Variants in MTF1 observed in about 807,000 individuals in gnomAD.
MTF1 encodes the protein MRE-binding transcription factor.
A neutral mutation model predicts 70.4 loss-of-function variants in MTF1; 22 were observed. That is an observed-to-expected ratio of 0.31 (90% CI 0.22 to 0.45). The LOEUF is 0.45. Among genes scored for constraint, MTF1 ranks in the 20% least tolerant of loss-of-function variants. The pLI, the probability that MTF1 is intolerant of heterozygous loss-of-function variation, is 1.00. For missense variants in MTF1, 649 were observed against 922.0 expected (o/e 0.70, Z 3.83); for synonymous variants, 333 against 352.8 (o/e 0.94, Z 0.63).
intron 7 of MTF1, among the ~76,000 whole-genome samples, chr1:37,829,065 C>A (rs74067335): frequency 3.8e-4 from 58 of 152,078 alleles, no homozygotes; most frequent in Non-Finnish European, 6.0e-4. Flanking sequence ...CCCATAAAAT[C>A]ATTATCTCAT....
At chr1:37,850,751 G>A (rs1236249145) in intron 2 of MTF1, among the ~76,000 whole-genome samples, 1 of 151,988 alleles carries the variant, frequency 6.6e-6, no homozygotes, top group Non-Finnish European at 1.5e-5. Context: ...CAAGCATGAA[G>A]AAAAGAAAAT....
chr1:37,838,794 A>ACTC (rs1641208901), intron 3 of MTF1, 38 bp from the exon 4 acceptor site: 3 of 502,590 alleles, frequency 6.0e-6, no homozygotes, highest in African/African-American at 4.8e-5. Context: ...TTGTCATAAA[A>ACTC]TTCTTTTTTT....
intron 9 of MTF1, among the ~76,000 whole-genome samples, chr1:37,820,586 A>G (rs1397209849): frequency 6.6e-6 from 1 of 152,254 alleles, no homozygotes; most frequent in African/African-American, 2.4e-5. Flanking sequence ...AGAGATAGTA[A>G]AAATATCAAT....
intron 7 of MTF1, among the ~76,000 whole-genome samples, chr1:37,828,662 T>C (rs1326728179): frequency 6.6e-6 from 1 of 152,224 alleles, no homozygotes; most frequent in Non-Finnish European, 1.5e-5. Context: ...TTGTGATGAT[T>C]CATCAAGCTG....
At chr1:37,857,040 C>A (rs1641508836) in intron 2 of MTF1, among the ~76,000 whole-genome samples, 1 of 152,182 alleles carries the variant, frequency 6.6e-6, no homozygotes, top group African/African-American at 2.4e-5. Context: ...CGAGAAATTA[C>A]AATTTGATAT....
intron 10 of MTF1, among the ~76,000 whole-genome samples, chr1:37,816,632 G>A (rs978438446): frequency 6.2e-5 from 9 of 144,682 alleles, no homozygotes; most frequent in East Asian, 4.1e-4. Context: ...CCGGGATTGC[G>A]CCACTGCAGT....
chr1:37,829,527 A>G (rs1376219641), intron 7 of MTF1, among the ~76,000 whole-genome samples: 1 of 151,928 alleles, frequency 6.6e-6, no homozygotes, highest in Non-Finnish European at 1.5e-5. Flanking sequence ...TCACACCTGT[A>G]ATCCCAGCAC....
chr1:37,838,527 G>T, intron 4 of MTF1, 98 bp downstream of exon 4: 1 of 1,056,954 alleles, frequency 9.5e-7, no homozygotes, highest in Non-Finnish European at 1.4e-6. Flanking sequence ...TCAAGAGCTA[G>T]TAAAGGGAGT....
chr1:37,829,894 A>G (rs1037749234), intron 7 of MTF1, among the ~76,000 whole-genome samples: 5 of 152,218 alleles, frequency 3.3e-5, no homozygotes, highest in African/African-American at 1.2e-4. Context: ...ACTGGGTACC[A>G]GGAGCATGAT....
intron 6 of MTF1, among the ~76,000 whole-genome samples, chr1:37,833,204 C>T (rs3891572): frequency 0.24 from 36,283 of 151,876 alleles, 4,935 homozygotes; most frequent in Non-Finnish European, 0.3. Context: ...ATTTTTTATT[C>T]TTTTTGTAAC....
rs754181781 is a variant in MTF1, at chr1:37,815,350, A to G, written c.2048T>C (p.Val683Ala). The G allele has an allele frequency of 2.5e-6, 4 of 1,614,094 alleles. No individual in the cohort carries two copies. The highest frequency in any genetic ancestry group is 3.4e-6 in the Non-Finnish European group (4 of 1,180,012). Residue 683 changes from valine (V) to alanine (A), a missense_variant, in exon 11 of 11, where the codon GTT becomes GCT. Around this residue, in one of 7 missense-constraint regions of MTF1, gnomAD observed 138 missense variants for 134.4 expected, o/e 1.03. Transcript: ENST00000373036. The surrounding 1 kb of genome is among the most constrained non-coding windows in gnomAD (Gnocchi z 4.5). ...CAAGGTAGAGGATGATGACCCGGGA[A>G]CAGGGGCTGAAGAGAAAGTCTGCGC... is the stretch of plus-strand genomic sequence containing the variant. The part of the protein sequence containing the change: ...LPAQTFSSAP[V>A]PGSSSSTLPS...
chr1:37,817,044 A>C (rs1218272512), intron 10 of MTF1, among the ~76,000 whole-genome samples: 2 of 152,222 alleles, frequency 1.3e-5, no homozygotes, highest in Non-Finnish European at 2.9e-5. Flanking sequence ...TTTCAGCTCT[A>C]TATGTGTCTC....
rs1640734964 is a variant in MTF1, at chr1:37,811,501, T to C, written c.*3635A>G. 1 of 152,632 alleles carries C rather than the reference T, an allele frequency of 6.6e-6. No individual in the cohort carries two copies. The highest frequency in any genetic ancestry group is 1.5e-5 in the Non-Finnish European group (1 of 68,046). 9.5% of individuals were successfully genotyped at this position (152,632 alleles called of 1,614,324 possible). ...TTTGTGGAAAGTATATATATGTATA[T>C]ATACACACAAAAGAAATTGCAGCAA... On this transcript the variant is annotated 3_prime_UTR_variant, in exon 11 of 11. Transcript: ENST00000373036.
In MTF1 at chr1:37,822,556, C is replaced by T. The variant is rs750832768; in HGVS notation, c.1332G>A (p.Pro444=). 24 of 1,613,900 alleles carry T rather than the reference C, an allele frequency of 1.5e-5. No individual in the cohort carries two copies. Among genetic ancestry groups the T allele is most frequent in the African/African-American group, 4.0e-5 (3 of 74,948 alleles). ...LLPASAPSAP[P]PAPSLGPGSQ... is the part of the protein sequence containing the mutation. ...AGCCAGGTCCTAGGGAGGGAGCAGG[C>T]GGAGGAGCAGACGGAGCTGAGGCAG... Residue 444 remains proline (P), a synonymous_variant, in exon 9 of 11, where the codon CCG becomes CCA. Transcript: ENST00000373036.
chr1:37,859,351 G>C (rs1641563502), intron 1 of MTF1, among the ~76,000 whole-genome samples, 180 bp downstream of exon 1: 1 of 152,118 alleles, frequency 6.6e-6, no homozygotes, highest in Non-Finnish European at 1.5e-5. Context: ...GGCAGGGTCC[G>C]GGTCTCCATG....
chr1:37,831,917 G>A (rs1237752654), intron 7 of MTF1, among the ~76,000 whole-genome samples: 2 of 152,162 alleles, frequency 1.3e-5, no homozygotes, highest in African/African-American at 4.8e-5. Flanking sequence ...AGTTCCTCAA[G>A]GACAAACTAT....
rs1306802101 is a variant in MTF1, at chr1:37,815,683, T to G, written c.1832-117A>C. 4.0e-5 allele frequency: 31 copies of G among 766,516 alleles called. 1 individual carries two copies. The highest frequency in any genetic ancestry group is 5.7e-5 in the Non-Finnish European group (28 of 489,234). 47.5% of individuals were successfully genotyped at this position (766,516 alleles called of 1,614,324 possible). ...GCCATGGGAACCATGGGAAGGATGGTTGCCACACTTCGGGCTTCGTTCTGC... is the reference window on the plus strand; with the variant it reads ...GCCATGGGAACCATGGGAAGGATGGGTGCCACACTTCGGGCTTCGTTCTGC... On this transcript the variant is annotated intron_variant, in intron 10 of 10. Coordinates refer to ENST00000373036, the MANE Select transcript of MTF1 (RefSeq NM_005955.3). This position sits in a 1 kb window ranked among gnomAD's most constrained non-coding sequence, Gnocchi z 4.5.
At chr1:37,847,788 A>G (rs796089948) in intron 2 of MTF1, among the ~76,000 whole-genome samples, 16 of 152,118 alleles carry the variant, frequency 1.1e-4, no homozygotes, top group African/African-American at 3.9e-4. Flanking sequence ...TTGAGCCCAG[A>G]AGTTCGAGAC....
intron 7 of MTF1, among the ~76,000 whole-genome samples, chr1:37,826,803 AC>A (rs1641009050): frequency 1.3e-5 from 2 of 152,112 alleles, no homozygotes; most frequent in African/African-American, 2.4e-5. Flanking sequence ...ACACAGTGAA[AC>A]CCCGTCTCTA....
Sources: allele counts gnomAD v4.1 joint callset (sites outside exome capture counted in the v4.1 genomes callset), GRCh38; gene constraint gnomAD v4.1.1; regional missense constraint gnomAD v4.1.1; non-coding constraint Gnocchi (gnomAD v3.1); transcripts MANE v1.5; gene names NCBI Gene and HGNC (gene_info 2026-07-23, HGNC 2026-07-21).